The following RPS6KA2 variants were observed in gnomAD, a reference collection of about 807,000 sequenced individuals.
RPS6KA2 encodes ribosomal protein S6 kinase alpha-2.
In RPS6KA2, 42 loss-of-function variants were observed where a neutral mutation model predicts 91.8. The ratio of observed to expected loss-of-function variants is 0.46; its 90% confidence interval spans 0.36 to 0.59. RPS6KA2 has a LOEUF of 0.59. Among genes scored for constraint, RPS6KA2 ranks in the 20% least tolerant of loss-of-function variants. The probability of loss-of-function intolerance (pLI) is 0.00; values close to 1 mark genes in which losing one functional copy is unlikely to be tolerated. For missense variants in RPS6KA2, 798 were observed against 978.5 expected (o/e 0.82, Z 2.46); for synonymous variants, 414 against 393.6 (o/e 1.05, Z -0.61).
chr6:166,620,746 C>CTT (rs1786595411), intron 1 of RPS6KA2, among the ~76,000 whole-genome samples: 2 of 152,274 alleles, frequency 1.3e-5, no homozygotes, highest in Admixed American at 1.3e-4. Context: ...TGACAAGGCA[C>CTT]ATTTCACTGA....
intron 2 of RPS6KA2, among the ~76,000 whole-genome samples, chr6:166,664,844 G>A (rs1185020142): frequency 1.3e-5 from 2 of 152,212 alleles, no homozygotes; most frequent in African/African-American, 4.8e-5. Flanking sequence ...GCCCCTACTG[G>A]ATATGAGGTG....
intron 10 of RPS6KA2, among the ~76,000 whole-genome samples, chr6:166,473,942 T>G (rs976644656): frequency 1.1e-5 from 1 of 89,184 alleles, no homozygotes; most frequent in East Asian, 1.2e-3. Context: ...GTTTAAAGGT[T>G]TTTTTTTTTT....
chr6:166,525,870 C>A (rs74790511), intron 3 of RPS6KA2, among the ~76,000 whole-genome samples: 1 of 152,078 alleles, frequency 6.6e-6, no homozygotes, highest in South Asian at 2.1e-4. Flanking sequence ...GGGTGGAGAA[C>A]GGGTTAGGAG....
At chr6:166,499,183 A>G (rs923069076) in intron 7 of RPS6KA2, among the ~76,000 whole-genome samples, 14 of 152,316 alleles carry the variant, frequency 9.2e-5, no homozygotes, top group South Asian at 8.3e-4. Context: ...ATGGAAGAAC[A>G]GGGATCTCCA....
intron 2 of RPS6KA2, among the ~76,000 whole-genome samples, chr6:166,846,392 G>T (rs1780605769): frequency 1.3e-5 from 1 of 78,158 alleles, no homozygotes. Flanking sequence ...CCAAAATCAG[G>T]GAAGGACATA....
Position 166,814,238 on chromosome 6 carries a change from A to G in RPS6KA2, c.123+43962T>C, listed in dbSNP as rs117117021. Among the ~76,000 whole-genome samples the G allele has an allele frequency of 5.7e-3, 865 of 152,368 alleles. 6 individuals are homozygous for G. Among genetic ancestry groups the G allele is most frequent in the Non-Finnish European group, 6.8e-3 (466 of 68,034 alleles). ...AAACCATTTTCTAAGTGTTGGCTAT[A>G]TTAACCAGTAAATAACAAAGACAAA... On this transcript the variant is annotated intron_variant, in intron 2 of 21. Coordinates refer to the RPS6KA2 transcript ENST00000503859.
intron 1 of RPS6KA2, among the ~76,000 whole-genome samples, chr6:166,589,429 C>A (rs1407812039): frequency 6.6e-6 from 1 of 152,206 alleles, no homozygotes; most frequent in Non-Finnish European, 1.5e-5. Flanking sequence ...TGAAAAATAA[C>A]CCAGCTCAAT....
chr6:166,781,829 C>T (rs577965098), intron 2 of RPS6KA2, among the ~76,000 whole-genome samples: 6 of 152,306 alleles, frequency 3.9e-5, no homozygotes, highest in South Asian at 2.1e-4. Flanking sequence ...CCCTCAGAGC[C>T]GACTATGGGC....
rs1310913648 is a variant in RPS6KA2, at chr6:166,586,363, T to C, written c.99+40558A>G. The C allele has an allele frequency of 3.1e-6, 5 of 1,599,434 alleles. No individual in the cohort carries two copies. The Admixed American group carries it at 5.0e-5, about 16-fold the overall frequency. ...GCTCTGCTATTCCATTCCTCAACAATTGGAGGAGACTCAGGAGGGCGTTTC... is the reference window on the plus strand; with the variant it reads ...GCTCTGCTATTCCATTCCTCAACAACTGGAGGAGACTCAGGAGGGCGTTTC... On this transcript the variant is annotated intron_variant, in intron 1 of 20. Coordinates refer to ENST00000265678, the MANE Select transcript of RPS6KA2 (RefSeq NM_021135.6).
chr6:166,429,962 CT>C (rs1302011018), intron 16 of RPS6KA2, among the ~76,000 whole-genome samples: 194 of 142,014 alleles, frequency 1.4e-3, no homozygotes, highest in Non-Finnish European at 1.2e-3. Context: ...TTTTTCTTTT[CT>C]TTTTTTTTTT....
At chr6:166,629,670 G>T (rs2128545087), upstream of RPS6KA2, among the ~76,000 whole-genome samples, 1 of 152,304 alleles carries the variant, frequency 6.6e-6, no homozygotes, top group African/African-American at 2.4e-5. Flanking sequence ...AAAAGAAAGT[G>T]AACTTGATAA....
At chr6:166,562,627 A>G (rs1190489895) in intron 1 of RPS6KA2, among the ~76,000 whole-genome samples, 1 of 152,238 alleles carries the variant, frequency 6.6e-6, no homozygotes, top group Non-Finnish European at 1.5e-5. Flanking sequence ...AGCCTTGAGT[A>G]TGTCAAAGTA....
intron 13 of RPS6KA2, among the ~76,000 whole-genome samples, chr6:166,449,766 G>A (rs1018134983): frequency 1.3e-5 from 2 of 151,800 alleles, no homozygotes; most frequent in Admixed American, 6.6e-5. Context: ...ATACCACCAC[G>A]GAGACCATTA....
At chr6:166,801,223 G>T (rs1779357084) in intron 2 of RPS6KA2, among the ~76,000 whole-genome samples, 1 of 152,150 alleles carries the variant, frequency 6.6e-6, no homozygotes, top group Admixed American at 6.5e-5. Context: ...GATAAAGCTT[G>T]CAATCAAAAC....
At chr6:166,428,553 C>A (rs1476265216) in intron 16 of RPS6KA2, among the ~76,000 whole-genome samples, 2 of 142,322 alleles carry the variant, frequency 1.4e-5, no homozygotes, top group Admixed American at 1.4e-4. Flanking sequence ...GCAACCTACT[C>A]ATCTGACAAA....
chr6:166,827,155 G>T lies in RPS6KA2; in HGVS notation c.123+31045C>A, dbSNP rs186247361. Among the ~76,000 whole-genome samples, 4 of 151,122 alleles carry T rather than the reference G, an allele frequency of 2.6e-5. No individual in the cohort carries two copies. In the East Asian group the frequency reaches 7.8e-4, roughly 29 times the overall value. On this transcript the variant is annotated intron_variant, in intron 2 of 21. Coordinates refer to the RPS6KA2 transcript ENST00000503859. ...TAAGAAAACCTTGACAAATAGAGCT[G>T]GGGAAGGCCAAGAAGAAAAGGTTCT...
chr6:166,463,828 C>T (rs1177456749), intron 11 of RPS6KA2, among the ~76,000 whole-genome samples: 3 of 152,100 alleles, frequency 2.0e-5, no homozygotes, highest in African/African-American at 4.8e-5. Flanking sequence ...TCGAAAGCGC[C>T]GCAGGAAGAA....
At chr6:166,577,978 C>T (rs1321303613) in intron 1 of RPS6KA2, among the ~76,000 whole-genome samples, 2 of 152,162 alleles carry the variant, frequency 1.3e-5, no homozygotes, top group East Asian at 3.9e-4. Context: ...CTCAGGAGAT[C>T]TGATGGGTTT....
chr6:166,658,374 A>C (rs1375170527), intron 2 of RPS6KA2, among the ~76,000 whole-genome samples: 6 of 152,226 alleles, frequency 3.9e-5, no homozygotes, highest in Admixed American at 3.9e-4. Context: ...TTCCCGAGCC[A>C]AACCCTTCAG....
Sources: allele counts gnomAD v4.1 joint callset (sites outside exome capture counted in the v4.1 genomes callset), GRCh38; gene constraint gnomAD v4.1.1; transcripts MANE v1.5; gene names NCBI Gene and HGNC (gene_info 2026-07-23, HGNC 2026-07-21).